Variants in WIPI1 observed in about 807,000 individuals in gnomAD.
WIPI1 encodes WD repeat domain phosphoinositide-interacting protein 1.
In WIPI1, 45 loss-of-function variants were observed where a neutral mutation model predicts 55.3. The ratio of observed to expected loss-of-function variants is 0.81; its 90% CI spans 0.64 to 1.04. The LOEUF (loss-of-function observed/expected upper bound fraction) is 1.04, where lower values mean the gene tolerates loss of function less well. Among genes scored for constraint, WIPI1 ranks in the 50% least tolerant of loss-of-function variants. WIPI1 has a pLI of 0.00. For missense variants in WIPI1, 445 were observed against 559.0 expected (o/e 0.80, Z 2.06); for synonymous variants, 195 against 217.6 (o/e 0.90, Z 0.92).
intron 4 of WIPI1, among the ~76,000 whole-genome samples, chr17:68,440,041 C>A (rs539512416): frequency 6.6e-6 from 1 of 152,260 alleles, no homozygotes; most frequent in African/African-American, 2.4e-5. Context: ...GAACTTTCTG[C>A]AATACCTATT....
chr17:68,434,647 A>G, intron 6 of WIPI1, 21 bp from the exon 7 acceptor site: 1 of 1,613,326 alleles, frequency 6.2e-7, no homozygotes, highest in Middle Eastern at 1.7e-4. Flanking sequence ...AAGCAGGTGG[A>G]CATTTCATAA....
chr17:68,437,675 C>G lies in WIPI1; in HGVS notation c.431-1196G>C, dbSNP rs751063025. Among the ~76,000 whole-genome samples, 62 of 152,096 alleles carry G rather than the reference C, an allele frequency of 4.1e-4. 1 individual carries two copies. The highest frequency in any genetic ancestry group is 1.4e-3 in the African/African-American group (60 of 41,514). ...TGCGTCTGCAGTCAAGATGGTGTGC[C>G]TAGACATTGAGACAAACTAAATAAA... On this transcript the variant is annotated intron_variant, in intron 4 of 12. Coordinates refer to ENST00000262139, the MANE Select transcript of WIPI1 (RefSeq NM_017983.7).
intron 1 of WIPI1, 120 bp downstream of exon 1, chr17:68,457,222 C>T: frequency 5.7e-6 from 7 of 1,228,436 alleles, no homozygotes; most frequent in Non-Finnish European, 7.9e-6. Flanking sequence ...CCGAAGCAGA[C>T]ACCGGCCCTC....
chr17:68,440,535 CT>C (rs1182065814), intron 4 of WIPI1, among the ~76,000 whole-genome samples: 2 of 152,152 alleles, frequency 1.3e-5, no homozygotes, highest in Non-Finnish European at 2.9e-5. Flanking sequence ...AACCCAGAGG[CT>C]TTTCACTGTT....
intron 8 of WIPI1, among the ~76,000 whole-genome samples, chr17:68,432,782 G>A (rs1366041716): frequency 6.6e-6 from 1 of 152,086 alleles, no homozygotes; most frequent in East Asian, 1.9e-4. Context: ...CGTTTTCAAA[G>A]CGCTCTTTCT....
At chr17:68,448,824 G>A (rs1430683653) in intron 3 of WIPI1, among the ~76,000 whole-genome samples, 1 of 152,180 alleles carries the variant, frequency 6.6e-6, no homozygotes, top group African/African-American at 2.4e-5. Context: ...GAAAACACCT[G>A]AGTCAAGAAT....
In WIPI1 at chr17:68,423,903, T is replaced by C. The variant is rs1419938326; in HGVS notation, c.1294-2083A>G. ...CAATTAAGAATCTAATAATATTTTA[T>C]AGTAGTTACAGACTTTTACCAAAAT... On this transcript the variant is annotated intron_variant, in intron 12 of 12. Coordinates refer to ENST00000262139, the MANE Select transcript of WIPI1 (RefSeq NM_017983.7). The surrounding 1 kb of genome is among the most constrained non-coding windows in gnomAD (Gnocchi z 4.4). 6.6e-6 allele frequency among the ~76,000 whole-genome samples: 1 copy of C among 152,228 alleles called. No individual in the cohort carries two copies. The highest frequency in any genetic ancestry group is 1.5e-5 in the Non-Finnish European group (1 of 68,034).
chr17:68,450,982 G>A (rs914733695), intron 2 of WIPI1, 85 bp from the exon 3 acceptor site: 2 of 1,506,166 alleles, frequency 1.3e-6, no homozygotes, highest in Admixed American at 4.7e-5. Context: ...GCCCGGCGCA[G>A]GCCAGGTTCC....
chr17:68,449,795 G>A (rs2084427587), intron 3 of WIPI1, among the ~76,000 whole-genome samples: 1 of 152,148 alleles, frequency 6.6e-6, no homozygotes, highest in Non-Finnish European at 1.5e-5. Flanking sequence ...CCCAATCTCC[G>A]GTAGTTCTTT....
rs117928394 is a variant in WIPI1, at chr17:68,426,680, G to T, written c.1192+455C>A. On this transcript the variant is annotated intron_variant, in intron 11 of 12. Transcript: ENST00000262139. ...CCGGAGTAGCTGGGATTGCAAGTGT[G>T]TGCCAACATGCCCAGCTAATTTTTC... Among the ~76,000 whole-genome samples, 28 of 152,220 alleles carry T rather than the reference G, an allele frequency of 1.8e-4. No homozygotes were observed. The East Asian group carries it at 2.3e-3, about 13-fold the overall frequency.
At chr17:68,455,522 C>G (rs2084626627) in intron 1 of WIPI1, among the ~76,000 whole-genome samples, 1 of 152,174 alleles carries the variant, frequency 6.6e-6, no homozygotes, top group Admixed American at 6.5e-5. Context: ...CATGGCAATA[C>G]ACCTAAATGT....
In WIPI1 at chr17:68,433,785, T is replaced by G. The variant is rs865973297; in HGVS notation, c.693-210A>C. On this transcript the variant is annotated intron_variant, in intron 7 of 12. Transcript: ENST00000262139. ...GTTTTTTTTTTTTTTTTTTTTTTTT[T>G]TTTTTTTTTTTTTGAGACAGAGTCT... Among the ~76,000 whole-genome samples, 288 of 88,316 alleles carry G rather than the reference T, an allele frequency of 3.3e-3. 12 individuals are homozygous for G. The East Asian group carries it at 0.064, about 20-fold the overall frequency. The allele number at this position is 88,316 out of a possible 152,430, so 57.9% of individuals were successfully genotyped here. A position where few individuals can be genotyped will look rare whatever the true frequency, so the allele number is the denominator to read the frequency against.
At position 68,430,090 on chromosome 17, in the gene WIPI1, G is replaced by C; in HGVS notation, c.871C>G (p.Pro291Ala). 1 of 1,614,138 alleles carries C rather than the reference G, an allele frequency of 6.2e-7. No individual in the cohort carries two copies. Among genetic ancestry groups the C allele is most frequent in the South Asian group, 1.1e-5 (1 of 91,080 alleles). ...KMFMAATNYL[P>A]TQVSDMMHQD... Reference sequence around the variant, plus strand: ...TGCATCATGTCTGACACCTGGGTAGGGAGGTAGTTGGTAGCAGCCATAAAC... The same window carrying C: ...TGCATCATGTCTGACACCTGGGTAGCGAGGTAGTTGGTAGCAGCCATAAAC... The change falls in exon 9 of 13, where the codon CCT (proline) becomes GCT (alanine). Residue 291 changes from proline to alanine, a missense_variant. Transcript: ENST00000262139.
At chr17:68,438,185 G>C (rs575271935) in intron 4 of WIPI1, among the ~76,000 whole-genome samples, 11 of 152,264 alleles carry the variant, frequency 7.2e-5, no homozygotes, top group Admixed American at 2.0e-4. Flanking sequence ...CTTATCACTT[G>C]CCATGCATAG....
rs755523480 is a variant in WIPI1 at position 68,444,520 on chromosome 17, G to A, written c.403C>T (p.Leu135Phe). ...NIKDMKLLKT[L>F]LDIPANPTGL... ...GTTGGGTTTGCAGGAATATCCAGGA[G>A]GGTCTTCAACAGCTTCATGTCTTTA... The change falls in exon 4 of 13, where the codon CTC (leucine) becomes TTC (phenylalanine). Residue 135 changes from leucine (L) to phenylalanine (F), a missense_variant. Coordinates refer to ENST00000262139, the MANE Select transcript of WIPI1 (RefSeq NM_017983.7). 3 of 1,613,836 alleles carry A rather than the reference G, an allele frequency of 1.9e-6. No individual in the cohort carries two copies. Among genetic ancestry groups the A allele is most frequent in the African/African-American group, 2.7e-5 (2 of 74,922 alleles).
intron 10 of WIPI1, chr17:68,427,481 C>T (rs1005447655): frequency 2.8e-5 from 9 of 323,780 alleles, no homozygotes; most frequent in East Asian, 1.4e-4. Flanking sequence ...CTCAGCCTCC[C>T]GAGTAGCTGC....
intron 1 of WIPI1, among the ~76,000 whole-genome samples, chr17:68,453,509 C>T (rs1207921850): frequency 4.9e-5 from 7 of 143,958 alleles, no homozygotes; most frequent in African/African-American, 7.9e-5. Context: ...GAGGGAGTCT[C>T]GCTCTGTCAC....
intron 10 of WIPI1, 164 bp downstream of exon 10, chr17:68,428,665 C>T (rs889992092): frequency 3.0e-5 from 18 of 590,268 alleles, no homozygotes; most frequent in Admixed American, 2.6e-4. Context: ...GGGCACCTGA[C>T]ACAGAGCCCG....
At chr17:68,448,071 A>G (rs545425289) in intron 3 of WIPI1, among the ~76,000 whole-genome samples, 122 of 152,228 alleles carry the variant, frequency 8.0e-4, no homozygotes, top group African/African-American at 2.8e-3. Context: ...CTGTTTTTCA[A>G]AAAAGAAACT....
Sources: allele counts gnomAD v4.1 joint callset (sites outside exome capture counted in the v4.1 genomes callset), GRCh38; gene constraint gnomAD v4.1.1; non-coding constraint Gnocchi (gnomAD v3.1); transcripts MANE v1.5; gene names NCBI Gene and HGNC (gene_info 2026-07-23, HGNC 2026-07-21).